Variants in FRMD4B observed in about 807,000 individuals in gnomAD.
The protein encoded by FRMD4B is FERM domain containing 4B.
A neutral mutation model predicts 141.5 loss-of-function variants in FRMD4B; 74 were observed. The ratio of observed to expected loss-of-function variants is 0.52; its 90% confidence interval spans 0.43 to 0.63. The LOEUF (loss-of-function observed/expected upper bound fraction) is 0.63, where lower values mean the gene tolerates loss of function less well. Among genes scored for constraint, FRMD4B ranks in the 30% least tolerant of loss-of-function variants. FRMD4B has a pLI of 0.00. For synonymous variants in FRMD4B, 506 were observed against 467.9 expected (o/e 1.08, Z -1.05); for missense variants, 1,366 against 1,253.4 (o/e 1.09, Z -1.36).
At chr3:69,455,968 C>A (rs1705601130) in intron 1 of FRMD4B, among the ~76,000 whole-genome samples, 1 of 152,114 alleles carries the variant, frequency 6.6e-6, no homozygotes, top group South Asian at 2.1e-4. Flanking sequence ...GAACCACTTG[C>A]CATCAGTTCC....
intron 1 of FRMD4B, chr3:69,353,762 ACT>A: frequency 1.0e-6 from 1 of 954,308 alleles, no homozygotes; most frequent in Non-Finnish European, 1.2e-6. Context: ...AAATGACCAT[ACT>A]GTTTGTTTCT....
intron 5 of FRMD4B, among the ~76,000 whole-genome samples, chr3:69,255,738 G>C (rs2093488356): frequency 6.6e-6 from 1 of 151,970 alleles, no homozygotes; most frequent in African/African-American, 2.4e-5. Flanking sequence ...CTGCTCCAAG[G>C]ACCCACTCCA....
At chr3:69,491,542 T>G (rs1309041450) in intron 1 of FRMD4B, among the ~76,000 whole-genome samples, 1 of 152,176 alleles carries the variant, frequency 6.6e-6, no homozygotes, top group Non-Finnish European at 1.5e-5. Context: ...AGCACATATT[T>G]TATTCTATTT....
At chr3:69,303,751 G>A (rs1559791610) in intron 3 of FRMD4B, among the ~76,000 whole-genome samples, 2 of 151,778 alleles carry the variant, frequency 1.3e-5, no homozygotes, top group African/African-American at 4.8e-5. Flanking sequence ...GCAACATGGT[G>A]AAACCCGATT....
intron 1 of FRMD4B, among the ~76,000 whole-genome samples, chr3:69,482,553 G>A (rs1332981491): frequency 6.6e-6 from 1 of 152,218 alleles, no homozygotes; most frequent in Non-Finnish European, 1.5e-5. Context: ...AGTCTGACCT[G>A]CGCAATGCTC....
At chr3:69,212,431 T>C (rs771418971) in intron 11 of FRMD4B, among the ~76,000 whole-genome samples, 11 of 147,318 alleles carry the variant, frequency 7.5e-5, no homozygotes, top group Admixed American at 1.4e-4. Flanking sequence ...AGATGGACTG[T>C]GTAGGGTCTT....
At chr3:69,331,613 G>C (rs1184773626) in intron 1 of FRMD4B, among the ~76,000 whole-genome samples, 1 of 152,144 alleles carries the variant, frequency 6.6e-6, no homozygotes, top group Non-Finnish European at 1.5e-5. Context: ...ACCTTGTATA[G>C]GTTACCTCAC....
chr3:69,371,394 C>G (rs2107490988), intron 1 of FRMD4B, among the ~76,000 whole-genome samples: 1 of 152,282 alleles, frequency 6.6e-6, no homozygotes. Flanking sequence ...GAATACTGAT[C>G]ACACAGACAC....
At chr3:69,450,568 C>T (rs890292219) in intron 1 of FRMD4B, among the ~76,000 whole-genome samples, 3 of 152,220 alleles carry the variant, frequency 2.0e-5, no homozygotes, top group Non-Finnish European at 2.9e-5. Context: ...GCCTGTCCAA[C>T]ATGGGGAAAC....
chr3:69,311,436 T>G (rs1303454014), intron 2 of FRMD4B, 79 bp from the exon 3 acceptor site: 7 of 663,560 alleles, frequency 1.1e-5, no homozygotes, highest in Non-Finnish European at 1.9e-5. Context: ...CCCTAAATAA[T>G]TTAAAGTAGC....
At chr3:69,429,388 G>A (rs1166915579) in intron 2 of FRMD4B, among the ~76,000 whole-genome samples, 1 of 152,138 alleles carries the variant, frequency 6.6e-6, no homozygotes, top group Admixed American at 6.5e-5. Context: ...GTATATGAGA[G>A]CCTTTTTGTC....
rs776612526 is a variant in FRMD4B, at chr3:69,198,731, T to C, written c.920A>G (p.Lys307Arg). The C allele has an allele frequency of 6.4e-7, 1 of 1,569,454 alleles. No homozygotes were observed. The highest frequency in any genetic ancestry group is 8.7e-7 in the Non-Finnish European group (1 of 1,150,612). Residue 307 changes from lysine to arginine, a missense_variant, in exon 12 of 23, where the codon AAA becomes AGA. By Grantham distance (26) the Lys-to-Arg change is conservative. Transcript: ENST00000398540. ...KQLENLYFRE[K>R]KFAVEVHDPR... ...ATCATGAACTTCAACAGCAAATTTTTTCTCACGGAAATATAAGTTCTCCAG... is the reference window on the plus strand; with the variant it reads ...ATCATGAACTTCAACAGCAAATTTTCTCTCACGGAAATATAAGTTCTCCAG...
At chr3:69,265,180 A>G (rs6783127) in intron 5 of FRMD4B, among the ~76,000 whole-genome samples, 135,062 of 135,924 alleles carry the variant, frequency 0.99, 67,100 homozygotes, top group Non-Finnish European at 1. Flanking sequence ...GCTTGAACCC[A>G]GGAGGTGGAG....
At chr3:69,180,847 A>C (rs1316102654) in intron 21 of FRMD4B, 52 bp downstream of exon 21, 1 of 1,332,500 alleles carries the variant, frequency 7.5e-7, no homozygotes, top group Non-Finnish European at 1.1e-6. Context: ...GGTGGGCAGG[A>C]AACACGATGT....
At chr3:69,215,383 C>A (rs1476044650) in intron 11 of FRMD4B, among the ~76,000 whole-genome samples, 1 of 143,724 alleles carries the variant, frequency 7.0e-6, no homozygotes, top group Non-Finnish European at 1.5e-5. Flanking sequence ...ACCTCTGCCT[C>A]CCAGATTCAA....
intron 17 of FRMD4B, among the ~76,000 whole-genome samples, chr3:69,191,412 C>T: frequency 6.6e-6 from 1 of 151,736 alleles, no homozygotes; most frequent in East Asian, 1.9e-4. Flanking sequence ...AGAGACAGCT[C>T]TGTCTCAAAA....
intron 1 of FRMD4B, among the ~76,000 whole-genome samples, chr3:69,369,974 A>G (rs1204025489): frequency 6.6e-6 from 1 of 152,194 alleles, no homozygotes; most frequent in Non-Finnish European, 1.5e-5. Flanking sequence ...TGTAACTTAA[A>G]GAGTCAAATT....
chr3:69,193,049 T>G (rs1265257212), intron 17 of FRMD4B, among the ~76,000 whole-genome samples: 1 of 151,842 alleles, frequency 6.6e-6, no homozygotes, highest in Non-Finnish European at 1.5e-5. Flanking sequence ...TCAAACTCCT[T>G]AGCTCAAGTG....
chr3:69,441,370 T>A (rs6803205), intron 1 of FRMD4B, among the ~76,000 whole-genome samples: 38,426 of 152,042 alleles, frequency 0.25, 5,522 homozygotes, highest in East Asian at 0.48. Flanking sequence ...TGAGGCTGTG[T>A]TTTTTCTGGA....
Sources: allele counts gnomAD v4.1 joint callset (sites outside exome capture counted in the v4.1 genomes callset), GRCh38; gene constraint gnomAD v4.1.1; transcripts MANE v1.5; gene names NCBI Gene and HGNC (gene_info 2026-07-23, HGNC 2026-07-21).